MYH11: variants seen among roughly 807,000 people sequenced by gnomAD.
MYH11 encodes the protein myosin-11.
A neutral mutation model predicts 246.6 loss-of-function variants in MYH11; 80 were observed. The ratio of observed to expected loss-of-function variants is 0.32; its 90% CI spans 0.27 to 0.39. The LOEUF (loss-of-function observed/expected upper bound fraction) is 0.39. Among genes scored for constraint, MYH11 ranks in the 10% least tolerant of loss-of-function variants. MYH11 has a pLI of 1.00. For missense variants in MYH11, 2,158 were observed against 2,546.8 expected (o/e 0.85, Z 3.29); for synonymous variants, 1,071 against 1,015.5 (o/e 1.05, Z -1.04).
At chr16:15,719,093 C>T (rs1431759673) in intron 36 of MYH11, 127 bp downstream of exon 36, 2 of 897,572 alleles carry the variant, frequency 2.2e-6, no homozygotes, top group African/African-American at 3.3e-5. Flanking sequence ...GTGCCACTGC[C>T]CTCCAGCCTG....
At chr16:15,854,865 A>T (rs1371189194) in intron 1 of MYH11, among the ~76,000 whole-genome samples, 1 of 135,340 alleles carries the variant, frequency 7.4e-6, no homozygotes, top group East Asian at 2.7e-4. Context: ...CCTCTGAATA[A>T]GAGGGGGTAG....
At chr16:15,819,839 A>C (rs2043359142) in intron 3 of MYH11, among the ~76,000 whole-genome samples, 1 of 152,232 alleles carries the variant, frequency 6.6e-6, no homozygotes, top group Non-Finnish European at 1.5e-5. Flanking sequence ...CTAGGAAAGC[A>C]AAAGTCCCCA....
Position 15,786,692 on chromosome 16 carries a change from CCTT to C in MYH11, c.568_570del (p.Lys190del). On this transcript the variant is annotated inframe_deletion, in exon 5 of 41. Coordinates refer to ENST00000300036, the MANE Select transcript of MYH11 (RefSeq NM_002474.3). The stretch of plus-strand genomic sequence containing the variant: ...GCCACCACGGCCAGGTACTGAATGA[CCTT>C]CTTGGTGTTTTCGGTTTTCCCGGCT... The C allele has an allele frequency of 6.2e-7, 1 of 1,614,120 alleles. No homozygotes were observed. Among genetic ancestry groups the C allele is most frequent in the Non-Finnish European group, 8.5e-7 (1 of 1,180,022 alleles).
chr16:15,831,806 G>T (rs549086887), intron 2 of MYH11, among the ~76,000 whole-genome samples: 2 of 152,232 alleles, frequency 1.3e-5, no homozygotes, highest in Non-Finnish European at 2.9e-5. Context: ...GGGCGTGGTG[G>T]CATGTGCCTG....
chr16:15,826,202 C>A (rs1379973256), intron 2 of MYH11, among the ~76,000 whole-genome samples: 1 of 152,132 alleles, frequency 6.6e-6, no homozygotes, highest in Non-Finnish European at 1.5e-5. Flanking sequence ...AGATGCCATG[C>A]AAAAGGTGCT....
intron 37 of MYH11, 175 bp downstream of exon 37, chr16:15,718,140 C>G: frequency 1.0e-6 from 1 of 978,872 alleles, no homozygotes. Context: ...CTGAAGACAG[C>G]AGCCTGGGCA....
Position 15,752,472 on chromosome 16 carries a change from C to T in MYH11, c.1864+922G>A, listed in dbSNP as rs141878886. Among the ~76,000 whole-genome samples the T allele has an allele frequency of 1.5e-3, 228 of 152,222 alleles. 1 individual carries two copies. Among genetic ancestry groups the T allele is most frequent in the Non-Finnish European group, 2.6e-3 (179 of 68,004 alleles). On this transcript the variant is annotated intron_variant, in intron 15 of 40. Transcript: ENST00000300036. ...TTCTCAAAGGGAGCCGGAGTGTGGT[C>T]CCTAGACCAGCAGCATCACCTGGGA...
chr16:15,823,603 T>C (rs370219305), intron 2 of MYH11, among the ~76,000 whole-genome samples, 192 bp from the exon 3 acceptor site: 2 of 152,168 alleles, frequency 1.3e-5, no homozygotes, highest in African/African-American at 2.4e-5. Context: ...AAGCTGCCTA[T>C]GTTTTATTTT....
chr16:15,790,823 C>A (rs187630044), intron 4 of MYH11, among the ~76,000 whole-genome samples: 1,903 of 152,248 alleles, frequency 0.012, 23 homozygotes, highest in South Asian at 0.061. Context: ...GCCACTTAAT[C>A]CCCCAGCCAG....
chr16:15,720,587 GAAAA>G (rs79015002), intron 33 of MYH11, among the ~76,000 whole-genome samples: 4 of 138,776 alleles, frequency 2.9e-5, no homozygotes, highest in Non-Finnish European at 6.3e-5. Context: ...TGTCTCCACT[GAAAA>G]AAAAAAAAAA....
chr16:15,741,573 T>G lies in MYH11; in HGVS notation c.2749A>C (p.Lys917Gln), dbSNP rs2041273043. Reference protein sequence around the residue: ...EEMRVRLAAKKQELEEILHEM... With the variant: ...EEMRVRLAAKQQELEEILHEM... ...TGCAGTATCTCCTCCAGCTCCTGCTTCTTGGCCGCCAGCCGCACCCGCATC... is the reference window on the plus strand; with the variant it reads ...TGCAGTATCTCCTCCAGCTCCTGCTGCTTGGCCGCCAGCCGCACCCGCATC... The change falls in exon 22 of 41, where the codon AAG (lysine) becomes CAG (glutamine). Residue 917 changes from lysine to glutamine, a missense_variant. This residue lies in a region of MYH11 where 284 missense variants were observed against 315.4 expected (regional missense o/e 0.90). Transcript: ENST00000300036. 6.2e-7 allele frequency: 1 copy of G among 1,611,912 alleles called. No homozygotes were observed. The highest frequency in any genetic ancestry group is 8.5e-7 in the Non-Finnish European group (1 of 1,180,024).
At chr16:15,764,332 C>A (rs2041934432) in intron 9 of MYH11, among the ~76,000 whole-genome samples, 1 of 152,140 alleles carries the variant, frequency 6.6e-6, no homozygotes, top group South Asian at 2.1e-4. Flanking sequence ...GAATGAGCTA[C>A]AACTACCACA....
At chr16:15,771,219 C>G (rs981803447) in intron 9 of MYH11, among the ~76,000 whole-genome samples, 4 of 151,756 alleles carry the variant, frequency 2.6e-5, no homozygotes, top group Non-Finnish European at 5.9e-5. Context: ...AGGTTGGTCT[C>G]GAACTCCTGA....
chr16:15,742,301 G>GA (rs1233030602), intron 20 of MYH11: 13 of 253,128 alleles, frequency 5.1e-5, no homozygotes, highest in South Asian at 4.9e-4. Context: ...ACAAAAGGGA[G>GA]AAAAAAAATC....
chr16:15,719,171 T>TC (rs771797012), intron 36 of MYH11, 49 bp downstream of exon 36: 2 of 1,530,774 alleles, frequency 1.3e-6, no homozygotes, highest in East Asian at 2.2e-5. Context: ...ATGCTGCCTG[T>TC]CCCCCCATCC....
intron 37 of MYH11, 164 bp from the exon 38 acceptor site, chr16:15,717,512 A>G: frequency 1.4e-6 from 1 of 706,226 alleles, no homozygotes; most frequent in Non-Finnish European, 2.4e-6. Context: ...AGCTTCTTCC[A>G]GGCCGGGCGT....
chr16:15,759,268 G>T (rs8053011), intron 12 of MYH11, among the ~76,000 whole-genome samples: 1 of 146,912 alleles, frequency 6.8e-6, no homozygotes, highest in Non-Finnish European at 1.5e-5. Flanking sequence ...TCTTGCCCCC[G>T]TGAGGGGAGA....
chr16:15,841,691 G>A (rs1444141369), intron 1 of MYH11, among the ~76,000 whole-genome samples: 1 of 152,120 alleles, frequency 6.6e-6, no homozygotes, highest in Non-Finnish European at 1.5e-5. Flanking sequence ...AGGCCTGTCC[G>A]GCCCCCCGTT....
intron 27 of MYH11, 97 bp downstream of exon 27, chr16:15,732,466 GT>G (rs1284940774): frequency 7.2e-6 from 11 of 1,534,786 alleles, no homozygotes; most frequent in Non-Finnish European, 9.9e-6. Flanking sequence ...TATGTAACTT[GT>G]TTTTTGTCTT....
Sources: gnomAD v4.1 joint callset for allele counts (sites outside exome capture counted in the v4.1 genomes callset) on GRCh38, gnomAD v4.1.1 for gene constraint, gnomAD v4.1.1 regional missense constraint, MANE v1.5 for transcripts, NCBI Gene and HGNC (gene_info 2026-07-23, HGNC 2026-07-21) for gene names.